The following LAMA5 variants were observed in gnomAD, a reference collection of about 807,000 sequenced individuals.
The protein encoded by LAMA5 is laminin subunit alpha-5.
Under a neutral mutation model 433.4 loss-of-function variants are expected in LAMA5, and 260 were observed. That is an observed-to-expected ratio of 0.60 (90% CI 0.54 to 0.66). The LOEUF is 0.66. Ranked by LOEUF, LAMA5 falls within the 30% of genes least tolerant of loss-of-function variation. LAMA5 has a pLI of 0.00. For missense variants in LAMA5, 5,378 were observed against 5,258.5 expected, an observed-to-expected ratio of 1.02 and a Z score of -0.70; for synonymous variants, 2,620 against 2,226.6, an observed-to-expected ratio of 1.18 and a Z score of -4.97.
At chr20:62,331,203 G>T in intron 28 of LAMA5, 74 bp from the exon 29 acceptor site, 1 of 435,556 alleles carries the variant, frequency 2.3e-6, no homozygotes. Context: ...GTACGATGGG[G>T]GGGTGCAGGC....
chr20:62,360,722 C>T (rs572620955), intron 2 of LAMA5, among the ~76,000 whole-genome samples: 1 of 147,636 alleles, frequency 6.8e-6, no homozygotes, highest in Admixed American at 6.8e-5. Flanking sequence ...CTCTTCCCTC[C>T]GTATCATTTT....
In LAMA5 at chr20:62,312,913, G is replaced by C. The variant is rs758378567; in HGVS notation, c.9053C>G (p.Pro3018Arg). ...LKKAVPLQPP[P>R]PLTSASKAIQ... The stretch of plus-strand genomic sequence containing the variant: ...CGCCTTGCTGGCCGAGGTCAGGGGC[G>C]GTGGGGGCTGCAGTGGGACGGCCTT... The change falls in exon 66 of 80, where the codon CCG (proline) becomes CGG (arginine). Residue 3018 changes from proline (P) to arginine (R), a missense_variant. By Grantham distance (103) the Pro-to-Arg change is moderately radical. Transcript: ENST00000252999. 6.3e-7 allele frequency: 1 copy of C among 1,583,676 alleles called. No homozygotes were observed.
intron 45 of LAMA5, among the ~76,000 whole-genome samples, 162 bp downstream of exon 45, chr20:62,323,294 G>A (rs551647329): frequency 3.3e-5 from 5 of 151,964 alleles, no homozygotes; most frequent in Admixed American, 1.3e-4. Flanking sequence ...GGATCATAGC[G>A]GGGGAGAAAG....
intron 45 of LAMA5, among the ~76,000 whole-genome samples, chr20:62,323,021 G>A (rs557681868): frequency 5.0e-4 from 74 of 149,434 alleles, no homozygotes; most frequent in African/African-American, 1.8e-3. Context: ...ATTGGTGGTG[G>A]TGTCTAACCA....
Position 62,312,769 on chromosome 20 carries a change from G to C in LAMA5, c.9090C>G (p.Phe3030Leu). Residue 3030 changes from phenylalanine (F) to leucine (L), a missense_variant, in exon 67 of 80, where the codon TTC becomes TTG. Coordinates refer to ENST00000252999, the MANE Select transcript of LAMA5 (RefSeq NM_005560.6). The stretch of plus-strand genomic sequence containing the variant: ...CACGCTTGCGGCTGCCCCCCAGCAG[G>C]AACACCTGGATCTACAGGACCAGTG... ...LTSASKAIQV[F>L]LLGGSRKRVL... 2 of 1,590,680 alleles carry C rather than the reference G, an allele frequency of 1.3e-6. No individual in the cohort carries two copies. Among genetic ancestry groups the C allele is most frequent in the Non-Finnish European group, 1.7e-6 (2 of 1,171,164 alleles).
At position 62,333,491 on chromosome 20, in the gene LAMA5, G is replaced by A. The variant is rs1980901478; in HGVS notation, c.3022-10C>T. The A allele has an allele frequency of 6.2e-7, 1 of 1,608,792 alleles. No individual in the cohort carries two copies. Among genetic ancestry groups the A allele is most frequent in the Non-Finnish European group, 8.5e-7 (1 of 1,178,242 alleles). ...GCAGAACCACGTAGTCCTGCAGGGT[G>A]GAGGTGGTGCTGAGAGTGGTGGGCC... On this transcript the variant is annotated splice_polypyrimidine_tract_variant and intron_variant, in intron 24 of 79. Transcript: ENST00000252999.
In LAMA5 at chr20:62,331,145, C is replaced by T. The variant is rs752759287; in HGVS notation, c.3553-16G>A. 1.4e-5 allele frequency: 21 copies of T among 1,513,958 alleles called. No homozygotes were observed. The highest frequency in any genetic ancestry group is 1.7e-5 in the Non-Finnish European group (19 of 1,126,668). 93.8% of individuals were successfully genotyped at this position (1,513,958 alleles called of 1,614,324 possible). On this transcript the variant is annotated splice_polypyrimidine_tract_variant and intron_variant, in intron 28 of 79. Coordinates refer to ENST00000252999, the MANE Select transcript of LAMA5 (RefSeq NM_005560.6). ...TGACCCCGTGCTGCAGGCAGAGGGACGAGATGCTGCAACGCCCGTGGTGCG... is the reference window on the plus strand; with the variant it reads ...TGACCCCGTGCTGCAGGCAGAGGGATGAGATGCTGCAACGCCCGTGGTGCG...
At position 62,327,304 on chromosome 20, in the gene LAMA5, C is replaced by A. The variant is rs147438795; in HGVS notation, c.5041G>T (p.Val1681Leu). 10 of 1,590,552 alleles carry A rather than the reference C, an allele frequency of 6.3e-6. No individual in the cohort carries two copies. The highest frequency in any genetic ancestry group is 1.8e-5 in the Admixed American group (1 of 57,114). The part of the protein sequence containing the change: ...TEMLRADLRH[V>L]PEAVPEAFPE... ...AAAGCCTCGGGCACAGCCTCAGGCA[C>A]GTGCCGCAGGTCTGCACGGAGCATC... Residue 1681 changes from valine (V) to leucine (L), a missense_variant, in exon 38 of 80, where the codon GTG (valine) becomes TTG (leucine). Transcript: ENST00000252999.
chr20:62,313,736 G>A lies in LAMA5; in HGVS notation c.8571C>T (p.Asp2857=). The change falls in exon 63 of 80, where the codon GAC becomes GAT. Residue 2857 remains aspartate (D), a synonymous_variant. Coordinates refer to ENST00000252999, the MANE Select transcript of LAMA5 (RefSeq NM_005560.6). ...GCCCCTCTGCCCCAGGGGCCACCGTGTCACCCTTGGTTTCCTGGATCATCT... is the reference window on the plus strand; with the variant it reads ...GCCCCTCTGCCCCAGGGGCCACCGTATCACCCTTGGTTTCCTGGATCATCT... ...ERQMIQETKG[D]TVAPGAEGLL... is the part of the protein sequence containing the mutation. 6.2e-7 allele frequency: 1 copy of A among 1,612,968 alleles called. No individual in the cohort carries two copies. Among genetic ancestry groups the A allele is most frequent in the Non-Finnish European group, 8.5e-7 (1 of 1,179,976 alleles).
Position 62,330,691 on chromosome 20 carries a change from A to G in LAMA5, c.3852+52T>C, listed in dbSNP as rs115012179. 0.034 allele frequency: 52,797 copies of G among 1,557,286 alleles called. 1,131 individuals carry two copies. The highest frequency in any genetic ancestry group is 0.099 in the African/African-American group (7,332 of 73,732). On this transcript the variant is annotated intron_variant, in intron 30 of 79. Coordinates refer to ENST00000252999, the MANE Select transcript of LAMA5 (RefSeq NM_005560.6). The stretch of plus-strand genomic sequence containing the variant: ...CCTGGACAACCTGCCCTGGGTTGGG[A>G]CCCGGAGTCCTGCCCTGACACCCCC...
At chr20:62,318,375 G>T (rs1482219321) in intron 53 of LAMA5, 79 bp downstream of exon 53, 26 of 1,035,584 alleles carry the variant, frequency 2.5e-5, no homozygotes, top group Admixed American at 3.8e-5. Context: ...GGAGGGGAGG[G>T]GAGGAGCCGG....
intron 57 of LAMA5, 47 bp from the exon 58 acceptor site, chr20:62,316,105 T>G: frequency 7.4e-7 from 1 of 1,354,792 alleles, no homozygotes; most frequent in Non-Finnish European, 1.0e-6. Flanking sequence ...ACCCCCAGTA[T>G]ACAATTGCAG....
rs370966549 is a variant in LAMA5, at chr20:62,336,339, C to T, written c.2323+1G>A. 144 of 1,601,710 alleles carry T rather than the reference C, an allele frequency of 9.0e-5. No individual in the cohort carries two copies. The highest frequency in any genetic ancestry group is 1.0e-4 in the Non-Finnish European group (123 of 1,172,746). On this transcript the variant is annotated splice_donor_variant, in intron 18 of 79. Coordinates refer to ENST00000252999, the MANE Select transcript of LAMA5 (RefSeq NM_005560.6). LOFTEE classifies it high-confidence loss of function. ...ACCCCAATACTCCAGGGCACACTCACGGGTACAGCCCTCGGGGTTGCTGGG... is the reference window on the plus strand; with the variant it reads ...ACCCCAATACTCCAGGGCACACTCATGGGTACAGCCCTCGGGGTTGCTGGG...
At chr20:62,321,783 A>C (rs1987843762) in intron 48 of LAMA5, among the ~76,000 whole-genome samples, 1 of 111,562 alleles carries the variant, frequency 9.0e-6, no homozygotes, top group Non-Finnish European at 1.9e-5. Context: ...AAGGGCCAGC[A>C]GATGGGGTGG....
intron 2 of LAMA5, among the ~76,000 whole-genome samples, chr20:62,357,807 A>T (rs985492594): frequency 2.6e-5 from 4 of 152,142 alleles, no homozygotes; most frequent in Non-Finnish European, 5.9e-5. Flanking sequence ...GAGGGAGAGG[A>T]TGGGTTCCCA....
In LAMA5 at chr20:62,331,145, CGAGATGCT is replaced by C; in HGVS notation, c.3553-24_3553-17del. 6.6e-7 allele frequency: 1 copy of C among 1,514,066 alleles called. No homozygotes were observed. Among genetic ancestry groups the C allele is most frequent in the Non-Finnish European group, 8.9e-7 (1 of 1,126,660 alleles). 93.8% of individuals were successfully genotyped at this position (1,514,066 alleles called of 1,614,324 possible). ...TGACCCCGTGCTGCAGGCAGAGGGA[CGAGATGCT>C]GCAACGCCCGTGGTGCGGGGAGGAT... On this transcript the variant is annotated splice_polypyrimidine_tract_variant and intron_variant, in intron 28 of 79. Transcript: ENST00000252999.
rs1979688770 is a variant in LAMA5 at position 62,328,329 on chromosome 20, G to A, written c.4564C>T (p.Leu1522=). 2 of 1,602,634 alleles carry A rather than the reference G, an allele frequency of 1.2e-6. No individual in the cohort carries two copies. Among genetic ancestry groups the A allele is most frequent in the African/African-American group, 1.3e-5 (1 of 74,830 alleles). The part of the protein sequence containing the change: ...CQPQTFGCHP[L]VGCEECNCSG... The stretch of plus-strand genomic sequence containing the variant: ...CAGTTACACTCCTCACAGCCGACCA[G>A]GGGGTGGCAGCCAAAGGTCTGGGGC... Residue 1522 remains leucine (L), a synonymous_variant, in exon 35 of 80, where the codon CTG becomes TTG. Coordinates refer to ENST00000252999, the MANE Select transcript of LAMA5 (RefSeq NM_005560.6).
chr20:62,333,143 T>TGGGGCA lies in LAMA5; in HGVS notation c.3223_3228dup (p.Cys1075_Pro1076dup), dbSNP rs754617724. 2.7e-6 allele frequency: 4 copies of TGGGGCA among 1,508,050 alleles called. No homozygotes were observed. The Admixed American group carries it at 9.3e-5, about 35-fold the overall frequency. 93.4% of individuals were successfully genotyped at this position (1,508,050 alleles called of 1,614,324 possible). On this transcript the variant is annotated inframe_insertion, in exon 26 of 80. Transcript: ENST00000252999. ...GGGTGCGACGGGCTGAGCTGCTCCG[T>TGGGGCA]GGGGCAGGGCCGGGGCAGGCTGTTG...
intron 28 of LAMA5, among the ~76,000 whole-genome samples, chr20:62,331,841 C>G (rs961528470): frequency 2.2e-4 from 33 of 152,184 alleles, no homozygotes; most frequent in African/African-American, 8.0e-4. Context: ...CACCTGAGGT[C>G]AGGAGTTTGA....
Sources: gnomAD v4.1 joint callset for allele counts (sites outside exome capture counted in the v4.1 genomes callset) on GRCh38, gnomAD v4.1.1 for gene constraint, MANE v1.5 for transcripts, NCBI Gene and HGNC (gene_info 2026-07-23, HGNC 2026-07-21) for gene names.